PDE4D: variants seen among roughly 807,000 people sequenced by gnomAD.
PDE4D encodes phosphodiesterase 4D, also known as 3',5'-cyclic-AMP phosphodiesterase 4D.
PDE4D carries 24 observed loss-of-function variants against 87.4 expected under a neutral mutation model. That is an observed-to-expected ratio of 0.27 (90% CI 0.20 to 0.39). The LOEUF (loss-of-function observed/expected upper bound fraction) is 0.39, where lower values mean the gene tolerates loss of function less well. Among genes scored for constraint, PDE4D ranks in the 10% least tolerant of loss-of-function variants. PDE4D has a pLI of 1.00. For synonymous variants in PDE4D, 384 were observed against 383.2 expected, an observed-to-expected ratio of 1.00 and a Z score of -0.02; for missense variants, 714 against 1,041.0, an observed-to-expected ratio of 0.69 and a Z score of 4.32.
intron 2 of PDE4D, among the ~76,000 whole-genome samples, chr5:60,128,156 C>A (rs1447179348): frequency 6.6e-6 from 1 of 152,012 alleles, no homozygotes; most frequent in Non-Finnish European, 1.5e-5. Context: ...ATAACTTATC[C>A]AAAACTGTAA....
At chr5:59,936,530 A>G (rs1249741724) in intron 3 of PDE4D, among the ~76,000 whole-genome samples, 2 of 152,188 alleles carry the variant, frequency 1.3e-5, no homozygotes, top group Non-Finnish European at 2.9e-5. Context: ...GATATGATAC[A>G]TGAGATGTTC....
At chr5:60,377,912 T>C (rs1761551156) in intron 1 of PDE4D, among the ~76,000 whole-genome samples, 1 of 152,166 alleles carries the variant, frequency 6.6e-6, no homozygotes, top group Non-Finnish European at 1.5e-5. Flanking sequence ...GGGAAATACA[T>C]AGGTCTTTTC....
chr5:59,640,207 T>G (rs1741341134), intron 1 of PDE4D, among the ~76,000 whole-genome samples: 1 of 152,124 alleles, frequency 6.6e-6, no homozygotes, highest in Non-Finnish European at 1.5e-5. Flanking sequence ...CACATTAGTT[T>G]TTATTGCTAA....
At chr5:60,357,637 A>C (rs1342913000) in intron 1 of PDE4D, among the ~76,000 whole-genome samples, 1 of 152,132 alleles carries the variant, frequency 6.6e-6, no homozygotes, top group Non-Finnish European at 1.5e-5. Context: ...GGCTTCTGCT[A>C]CCTCTCAGTA....
chr5:59,406,996 C>T (rs918323293), intron 1 of PDE4D, among the ~76,000 whole-genome samples: 2 of 152,134 alleles, frequency 1.3e-5, no homozygotes, highest in African/African-American at 4.8e-5. Context: ...CAGGGAGACA[C>T]TAAAATACTG....
At chr5:58,980,244 A>G (rs146539546) in intron 11 of PDE4D, among the ~76,000 whole-genome samples, 56 of 152,262 alleles carry the variant, frequency 3.7e-4, no homozygotes, top group African/African-American at 1.3e-3. Context: ...ATACTCATAT[A>G]ATCCTGTACA....
At chr5:59,598,773 G>T (rs941460423) in intron 1 of PDE4D, among the ~76,000 whole-genome samples, 3 of 151,746 alleles carry the variant, frequency 2.0e-5, no homozygotes, top group Admixed American at 2.0e-4. Context: ...AGGACAGAAG[G>T]ACATTACTAT....
chr5:59,240,937 T>C (rs933455433), intron 1 of PDE4D, among the ~76,000 whole-genome samples: 3 of 152,132 alleles, frequency 2.0e-5, no homozygotes, highest in African/African-American at 7.2e-5. Context: ...CTTCAAGTCA[T>C]TTAGTCTCTT....
chr5:60,318,115 G>A (rs139192211), intron 1 of PDE4D, among the ~76,000 whole-genome samples: 189 of 152,218 alleles, frequency 1.2e-3, no homozygotes, highest in Middle Eastern at 3.4e-3. Flanking sequence ...TTGTATGGGC[G>A]TCTAAGTCTC....
chr5:59,617,738 C>A (rs1444243474), intron 1 of PDE4D, among the ~76,000 whole-genome samples: 1 of 152,170 alleles, frequency 6.6e-6, no homozygotes, highest in East Asian at 1.9e-4. Context: ...CATGGCCCTG[C>A]CAACACCTCG....
At chr5:59,767,560 A>G (rs753290866) in intron 1 of PDE4D, among the ~76,000 whole-genome samples, 5 of 152,136 alleles carry the variant, frequency 3.3e-5, no homozygotes, top group Admixed American at 6.5e-5. Flanking sequence ...AAATTCACCC[A>G]TTATAAAGAA....
chr5:59,366,914 A>G (rs1783150589), intron 1 of PDE4D, among the ~76,000 whole-genome samples: 1 of 152,216 alleles, frequency 6.6e-6, no homozygotes, highest in South Asian at 2.1e-4. Flanking sequence ...GAGAAAACCT[A>G]ATTTTAGTCT....
intron 2 of PDE4D, among the ~76,000 whole-genome samples, chr5:59,999,010 C>T (rs1197626604): frequency 3.3e-5 from 5 of 152,236 alleles, no homozygotes; most frequent in Admixed American, 1.3e-4. Context: ...CCACCAGAGA[C>T]GCCAACTTAG....
chr5:60,521,933 AG>A (rs1263983212), intron 1 of PDE4D: 20 of 89,054 alleles, frequency 2.2e-4, no homozygotes, highest in Non-Finnish European at 3.4e-4. Context: ...TCTGACCTGC[AG>A]GAAAAAAAAA....
intron 1 of PDE4D, among the ~76,000 whole-genome samples, chr5:60,516,879 T>C (rs1447079643): frequency 3.3e-5 from 5 of 152,074 alleles, no homozygotes; most frequent in African/African-American, 9.7e-5. Context: ...CATGGAGCTG[T>C]TGGGAGCTGG....
chr5:59,768,206 G>A, intron 1 of PDE4D: 1 of 1,590,794 alleles, frequency 6.3e-7, no homozygotes, highest in Non-Finnish European at 8.5e-7. Flanking sequence ...CTCCCTGAAG[G>A]GAAACGGCCA....
At chr5:60,216,833 T>C (rs1476128705) in intron 1 of PDE4D, among the ~76,000 whole-genome samples, 2 of 152,048 alleles carry the variant, frequency 1.3e-5, no homozygotes, top group Admixed American at 6.6e-5. Context: ...GACAGTTCTA[T>C]AATAATAGTT....
intron 1 of PDE4D, among the ~76,000 whole-genome samples, chr5:59,387,475 GATTTTAT>G (rs1341425753): frequency 6.6e-6 from 1 of 152,026 alleles, no homozygotes; most frequent in African/African-American, 2.4e-5. Context: ...CAGAGAAATG[GATTTTAT>G]GAAGGGACAT....
At chr5:60,046,441 T>A (rs1030069554) in intron 2 of PDE4D, among the ~76,000 whole-genome samples, 1 of 152,220 alleles carries the variant, frequency 6.6e-6, no homozygotes, top group African/African-American at 2.4e-5. Flanking sequence ...CCCTGTCTTG[T>A]GCCAGTTTTC....
Sources: allele counts gnomAD v4.1 joint callset (sites outside exome capture counted in the v4.1 genomes callset), GRCh38; gene constraint gnomAD v4.1.1; transcripts MANE v1.5; gene names NCBI Gene and HGNC (gene_info 2026-07-23, HGNC 2026-07-21).